Variants in PTBP3 observed in about 807,000 individuals in gnomAD.
PTBP3 encodes polypyrimidine tract binding protein 3.
A neutral mutation model predicts 58.7 loss-of-function variants in PTBP3; 20 were observed. The observed-to-expected ratio is 0.34, with a 90% CI of 0.24 to 0.50. The LOEUF (loss-of-function observed/expected upper bound fraction) is 0.50, where lower values mean the gene tolerates loss of function less well. Ranked by LOEUF, PTBP3 falls within the 20% of genes least tolerant of loss-of-function variation. The pLI is 0.98. For synonymous variants in PTBP3, 185 were observed against 219.8 expected (o/e 0.84, Z 1.40); for missense variants, 509 against 637.2 (o/e 0.80, Z 2.17).
At chr9:112,328,012 A>C (rs2132477986) in intron 1 of PTBP3, among the ~76,000 whole-genome samples, 1 of 152,328 alleles carries the variant, frequency 6.6e-6, no homozygotes, top group Non-Finnish European at 1.5e-5. Context: ...CTCTAAAAAC[A>C]ACTCAGTTTT....
At chr9:112,229,803 C>T (rs1204283910) in intron 10 of PTBP3, among the ~76,000 whole-genome samples, 1 of 152,160 alleles carries the variant, frequency 6.6e-6, no homozygotes, top group Non-Finnish European at 1.5e-5. Context: ...ACAATCTGAT[C>T]CTCCTGCCTT....
chr9:112,303,940 G>C (rs769406960), intron 1 of PTBP3, among the ~76,000 whole-genome samples: 2 of 152,080 alleles, frequency 1.3e-5, no homozygotes, highest in African/African-American at 2.4e-5. Context: ...GCCAAGGCAG[G>C]CGGATCACTT....
chr9:112,254,928 C>T (rs1281343173), intron 5 of PTBP3, among the ~76,000 whole-genome samples: 2 of 152,030 alleles, frequency 1.3e-5, no homozygotes, highest in South Asian at 2.1e-4. Flanking sequence ...CCATGTGTAT[C>T]GCAGCATTAC....
chr9:112,319,509 A>G (rs1317509109), intron 1 of PTBP3, among the ~76,000 whole-genome samples: 1 of 152,182 alleles, frequency 6.6e-6, no homozygotes, highest in African/African-American at 2.4e-5. Context: ...AGGAAATATG[A>G]CCTCACATCT....
intron 7 of PTBP3, among the ~76,000 whole-genome samples, chr9:112,239,385 C>T (rs956347355): frequency 3.3e-5 from 5 of 152,056 alleles, no homozygotes; most frequent in Non-Finnish European, 5.9e-5. Flanking sequence ...ATAAACAATA[C>T]ACAGAATACG....
chr9:112,283,808 C>G (rs796243120), intron 2 of PTBP3, among the ~76,000 whole-genome samples: 1 of 152,248 alleles, frequency 6.6e-6, no homozygotes, highest in Non-Finnish European at 1.5e-5. Context: ...CTGGGCCCTG[C>G]TGCTCTGTGC....
At chr9:112,341,435 G>C in the PTBP3 span, among the ~76,000 whole-genome samples, 2 of 151,804 alleles carry the variant, frequency 1.3e-5, no homozygotes, top group East Asian at 1.9e-4. Flanking sequence ...CCTGGCCTCT[G>C]GTAGAATTTT....
At chr9:112,251,484 T>G (rs1836114403) in intron 6 of PTBP3, among the ~76,000 whole-genome samples, 1 of 152,218 alleles carries the variant, frequency 6.6e-6, no homozygotes, top group East Asian at 1.9e-4. Flanking sequence ...TTAATTCATT[T>G]TAGTATAATT....
chr9:112,310,021 T>A (rs922181174), intron 1 of PTBP3, among the ~76,000 whole-genome samples: 1 of 152,182 alleles, frequency 6.6e-6, no homozygotes, highest in African/African-American at 2.4e-5. Flanking sequence ...TTGAATGAGA[T>A]CACATTCTCA....
intron 5 of PTBP3, among the ~76,000 whole-genome samples, chr9:112,253,702 G>A (rs928919851): frequency 3.9e-5 from 6 of 152,036 alleles, no homozygotes; most frequent in African/African-American, 1.2e-4. Flanking sequence ...TGTTGTTCTC[G>A]TGATAGGGAG....
intron 7 of PTBP3, among the ~76,000 whole-genome samples, chr9:112,244,289 C>CAAAA (rs56052359): frequency 0.012 from 436 of 36,288 alleles, 47 homozygotes; most frequent in Non-Finnish European, 0.018. Context: ...GACTCTGTCT[C>CAAAA]AAAAAAAAAA....
intron 2 of PTBP3, among the ~76,000 whole-genome samples, chr9:112,282,131 C>G (rs1027907179): frequency 3.3e-5 from 5 of 152,274 alleles, no homozygotes; most frequent in African/African-American, 1.2e-4. Flanking sequence ...TCCCAAAGGT[C>G]CCAGCTCTAA....
the PTBP3 span, among the ~76,000 whole-genome samples, chr9:112,342,454 C>A: frequency 2.6e-5 from 4 of 152,152 alleles, no homozygotes; most frequent in African/African-American, 9.7e-5. Flanking sequence ...CAGTGGCTCA[C>A]GCCTGTAATC....
chr9:112,287,334 G>T (rs1253680684), intron 2 of PTBP3, among the ~76,000 whole-genome samples: 14 of 96,074 alleles, frequency 1.5e-4, no homozygotes, highest in South Asian at 3.9e-4. Context: ...TTCTTTTTCA[G>T]TTTTTTGTTT....
At chr9:112,325,935 C>T (rs971612539) in intron 1 of PTBP3, among the ~76,000 whole-genome samples, 2 of 152,104 alleles carry the variant, frequency 1.3e-5, no homozygotes, top group African/African-American at 4.8e-5. Flanking sequence ...GGAGGATCAC[C>T]TGAGCCCAGG....
the PTBP3 span, among the ~76,000 whole-genome samples, chr9:112,371,589 T>C: frequency 1.3e-5 from 2 of 151,558 alleles, no homozygotes; most frequent in East Asian, 3.9e-4. Flanking sequence ...TCTCAATTCA[T>C]AGATCGGTTC....
chr9:112,356,581 CA>C, the PTBP3 span, among the ~76,000 whole-genome samples: 16 of 146,012 alleles, frequency 1.1e-4, no homozygotes, highest in African/African-American at 2.0e-4. Flanking sequence ...AGCAACAGAG[CA>C]AAAAAAAAAA....
In PTBP3 at chr9:112,222,735, A is replaced by T; in HGVS notation, c.*1116T>A. On this transcript the variant is annotated 3_prime_UTR_variant, in exon 14 of 14. Coordinates refer to ENST00000374257, the MANE Select transcript of PTBP3 (RefSeq NM_001163788.4). The stretch of plus-strand genomic sequence containing the variant: ...AAAACAAAATGCTTACCAAGCCCAC[A>T]ATATAGCTTTCAAGATATTTAGATT... 6 of 974,550 alleles carry T rather than the reference A, an allele frequency of 6.2e-6. No individual in the cohort carries two copies. The highest frequency in any genetic ancestry group is 7.3e-6 in the Non-Finnish European group (6 of 819,642). 60.4% of individuals were successfully genotyped at this position (974,550 alleles called of 1,614,324 possible). A position where few individuals can be genotyped will look rare whatever the true frequency, so the allele number is the denominator to read the frequency against.
At chr9:112,308,691 A>G (rs543380823) in intron 1 of PTBP3, among the ~76,000 whole-genome samples, 2 of 152,158 alleles carry the variant, frequency 1.3e-5, no homozygotes, top group South Asian at 4.1e-4. Flanking sequence ...TATACAAAAG[A>G]AGGCCTTAAC....
Sources: gnomAD v4.1 joint callset for allele counts (sites outside exome capture counted in the v4.1 genomes callset) on GRCh38, gnomAD v4.1.1 for gene constraint, MANE v1.5 for transcripts, NCBI Gene and HGNC (gene_info 2026-07-23, HGNC 2026-07-21) for gene names.